STXBP5L: variants seen among roughly 807,000 people sequenced by gnomAD.
The protein encoded by STXBP5L is syntaxin-binding protein 5-like.
STXBP5L carries 65 observed loss-of-function variants against 144.5 expected under a neutral mutation model. The ratio of observed to expected loss-of-function variants is 0.45; its 90% CI spans 0.37 to 0.55. STXBP5L has a LOEUF of 0.55. Ranked by LOEUF, STXBP5L falls within the 20% of genes least tolerant of loss-of-function variation. The pLI is 0.00. For missense variants in STXBP5L, 1,298 were observed against 1,405.5 expected, an observed-to-expected ratio of 0.92 and a Z score of 1.22; for synonymous variants, 505 against 469.6, an observed-to-expected ratio of 1.08 and a Z score of -0.97.
chr3:121,312,446 C>CTT (rs58989280), intron 19 of STXBP5L, among the ~76,000 whole-genome samples: 9 of 12,752 alleles, frequency 7.1e-4, no homozygotes, highest in African/African-American at 1.3e-3. Context: ...GTATGTCAAT[C>CTT]TTTTTTTTTT....
intron 5 of STXBP5L, among the ~76,000 whole-genome samples, chr3:121,094,765 C>A (rs946048875): frequency 6.6e-6 from 1 of 151,992 alleles, no homozygotes; most frequent in Non-Finnish European, 1.5e-5. Flanking sequence ...GCATGTAGTC[C>A]ATTTACATTG....
intron 3 of STXBP5L, among the ~76,000 whole-genome samples, chr3:121,007,465 A>T (rs1944422463): frequency 6.6e-6 from 1 of 151,968 alleles, no homozygotes; most frequent in Non-Finnish European, 1.5e-5. Context: ...TGTTTTTTTA[A>T]TTCCTTAAAT....
chr3:121,390,031 G>T (rs966108944), intron 22 of STXBP5L, among the ~76,000 whole-genome samples: 2 of 152,144 alleles, frequency 1.3e-5, no homozygotes, highest in African/African-American at 2.4e-5. Context: ...AAGTCTCTTT[G>T]TATGTCTCTA....
intron 9 of STXBP5L, among the ~76,000 whole-genome samples, chr3:121,162,993 C>A (rs984917832): frequency 6.6e-6 from 1 of 152,148 alleles, no homozygotes; most frequent in Non-Finnish European, 1.5e-5. Context: ...TTAGTTCAAC[C>A]ATTGTGGAAG....
chr3:120,940,195 T>C (rs962818011), intron 2 of STXBP5L, among the ~76,000 whole-genome samples: 5 of 152,108 alleles, frequency 3.3e-5, no homozygotes, highest in Admixed American at 6.6e-5. Flanking sequence ...ACAAAAGATG[T>C]ATTTATGTTT....
At chr3:120,962,841 A>G (rs1939030331) in intron 3 of STXBP5L, among the ~76,000 whole-genome samples, 2 of 152,240 alleles carry the variant, frequency 1.3e-5, no homozygotes, top group Non-Finnish European at 2.9e-5. Context: ...TGGGGATGGC[A>G]TTGAATCTAT....
intron 2 of STXBP5L, among the ~76,000 whole-genome samples, chr3:120,945,231 T>C (rs9867756): frequency 0.099 from 15,063 of 151,700 alleles, 1,178 homozygotes; most frequent in Admixed American, 0.2. Flanking sequence ...GACCAAAAAC[T>C]CGACAAGTAA....
intron 5 of STXBP5L, among the ~76,000 whole-genome samples, chr3:121,097,433 C>G (rs1462593866): frequency 3.9e-5 from 6 of 152,198 alleles, no homozygotes; most frequent in Non-Finnish European, 5.9e-5. Context: ...ACCCAGGGCC[C>G]TGGTGGGGTA....
chr3:121,355,504 C>T (rs894069580), intron 20 of STXBP5L, among the ~76,000 whole-genome samples: 5 of 152,150 alleles, frequency 3.3e-5, no homozygotes, highest in African/African-American at 9.7e-5. Flanking sequence ...GCATGCATCA[C>T]GAATTTCTCG....
intron 9 of STXBP5L, among the ~76,000 whole-genome samples, chr3:121,185,601 T>C (rs1217056529): frequency 6.6e-6 from 1 of 152,164 alleles, no homozygotes; most frequent in East Asian, 1.9e-4. Context: ...AAAGATCGGA[T>C]GGTTGTAGAT....
intron 3 of STXBP5L, among the ~76,000 whole-genome samples, chr3:121,038,800 T>C (rs1946940177): frequency 6.6e-6 from 1 of 151,916 alleles, no homozygotes; most frequent in Non-Finnish European, 1.5e-5. Flanking sequence ...AGGATTTTTA[T>C]GTTTTTTTAA....
chr3:121,044,047 A>C (rs567045612), intron 4 of STXBP5L, among the ~76,000 whole-genome samples: 11 of 152,298 alleles, frequency 7.2e-5, no homozygotes, highest in African/African-American at 2.6e-4. Flanking sequence ...TATACAAATA[A>C]AACAGGCAAA....
Position 121,419,241 on chromosome 3 carries a change from T to G in STXBP5L, c.*144T>G. The stretch of plus-strand genomic sequence containing the variant: ...CAATCTGAAATTTTCATAAAAGAGA[T>G]GTATCAGAGACACTGTGCAACCCAA... On this transcript the variant is annotated 3_prime_UTR_variant, in exon 27 of 27. Coordinates refer to ENST00000471454, the MANE Select transcript of STXBP5L (RefSeq NM_001308330.2). 1 of 828,950 alleles carries G rather than the reference T, an allele frequency of 1.2e-6. No homozygotes were observed. Among genetic ancestry groups the G allele is most frequent in the Non-Finnish European group, 1.8e-6 (1 of 548,258 alleles). 51.3% of individuals were successfully genotyped at this position (828,950 alleles called of 1,614,324 possible). A position where few individuals can be genotyped will look rare whatever the true frequency, so the allele number is the denominator to read the frequency against.
At chr3:121,313,396 C>A (rs1489225711) in intron 19 of STXBP5L, among the ~76,000 whole-genome samples, 1 of 115,048 alleles carries the variant, frequency 8.7e-6, no homozygotes, top group Non-Finnish European at 1.8e-5. Context: ...GGGGGGCTGA[C>A]CCCCCACCTC....
chr3:121,040,453 G>C (rs756137062), intron 3 of STXBP5L, among the ~76,000 whole-genome samples: 2 of 151,964 alleles, frequency 1.3e-5, no homozygotes, highest in Non-Finnish European at 2.9e-5. Flanking sequence ...TTTATTTTTG[G>C]TTTGTTTTCT....
intron 3 of STXBP5L, among the ~76,000 whole-genome samples, chr3:121,038,370 G>T (rs1946905048): frequency 6.6e-6 from 1 of 151,698 alleles, no homozygotes. Flanking sequence ...TTTTATCAAT[G>T]CTTATTTAGT....
At chr3:121,016,452 G>A (rs1945153314) in intron 3 of STXBP5L, among the ~76,000 whole-genome samples, 1 of 152,158 alleles carries the variant, frequency 6.6e-6, no homozygotes, top group Non-Finnish European at 1.5e-5. Flanking sequence ...CAAAAACACT[G>A]TACAGAAATA....
intron 7 of STXBP5L, among the ~76,000 whole-genome samples, chr3:121,137,159 G>C (rs2045295565): frequency 6.6e-6 from 1 of 151,994 alleles, no homozygotes; most frequent in African/African-American, 2.4e-5. Flanking sequence ...AAAACTATTT[G>C]TACACCAAAC....
intron 3 of STXBP5L, among the ~76,000 whole-genome samples, chr3:120,989,347 T>C (rs1379309077): frequency 6.6e-6 from 1 of 152,190 alleles, no homozygotes; most frequent in African/African-American, 2.4e-5. Context: ...TAAGATGGTA[T>C]CTCGCTGTGG....
Sources: allele counts gnomAD v4.1 joint callset (sites outside exome capture counted in the v4.1 genomes callset), GRCh38; gene constraint gnomAD v4.1.1; transcripts MANE v1.5; gene names NCBI Gene and HGNC (gene_info 2026-07-23, HGNC 2026-07-21).